Variants in CFAP299 observed in about 807,000 individuals in gnomAD.
CFAP299 encodes cilia and flagella associated protein 299.
A neutral mutation model predicts 27.0 loss-of-function variants in CFAP299; 21 were observed. That is an observed-to-expected ratio of 0.78 (90% CI 0.55 to 1.12). The LOEUF is 1.12. CFAP299 is among the 50% of genes most tolerant of loss of function. CFAP299 has a pLI of 0.00. For synonymous variants in CFAP299, 104 were observed against 98.1 expected, an observed-to-expected ratio of 1.06 and a Z score of -0.36; for missense variants, 310 against 276.6, an observed-to-expected ratio of 1.12 and a Z score of -0.86.
At chr4:80,629,707 T>A (rs943855376) in intron 3 of CFAP299, among the ~76,000 whole-genome samples, 1 of 151,620 alleles carries the variant, frequency 6.6e-6, no homozygotes, top group African/African-American at 2.4e-5. Context: ...TAGTGAAACC[T>A]GGTGTCTACT....
chr4:80,415,379 T>G (rs1272250818), intron 2 of CFAP299, among the ~76,000 whole-genome samples: 1 of 152,208 alleles, frequency 6.6e-6, no homozygotes, highest in Non-Finnish European at 1.5e-5. Flanking sequence ...ACTATTTACA[T>G]AAAATTCATT....
chr4:80,876,817 T>C (rs1733404646), intron 4 of CFAP299, among the ~76,000 whole-genome samples: 1 of 152,168 alleles, frequency 6.6e-6, no homozygotes, highest in Non-Finnish European at 1.5e-5. Flanking sequence ...TCATATTTTT[T>C]TTTGTCAGAA....
chr4:80,337,868 T>TA (rs1412245785), intron 1 of CFAP299, among the ~76,000 whole-genome samples: 2 of 152,200 alleles, frequency 1.3e-5, no homozygotes, highest in Non-Finnish European at 2.9e-5. Flanking sequence ...GACAGGTATA[T>TA]ATATGTTTAC....
At chr4:80,810,726 T>C (rs1729108197) in intron 3 of CFAP299, among the ~76,000 whole-genome samples, 1 of 152,098 alleles carries the variant, frequency 6.6e-6, no homozygotes, top group South Asian at 2.1e-4. Context: ...AACTGTGAGA[T>C]GATAAATTTC....
chr4:80,494,864 AATC>A (rs1384788025), intron 2 of CFAP299, among the ~76,000 whole-genome samples: 1 of 152,234 alleles, frequency 6.6e-6, no homozygotes, highest in East Asian at 1.9e-4. Flanking sequence ...AAAAGGGAGA[AATC>A]AGCCAAAAGA....
At chr4:80,930,915 T>G (rs964456716) in intron 4 of CFAP299, among the ~76,000 whole-genome samples, 5 of 152,286 alleles carry the variant, frequency 3.3e-5, no homozygotes, top group Non-Finnish European at 5.9e-5. Flanking sequence ...AAAGCTATTA[T>G]TCTGTCCTTT....
At chr4:80,687,997 C>T (rs181227415) in intron 3 of CFAP299, among the ~76,000 whole-genome samples, 112 of 152,320 alleles carry the variant, frequency 7.4e-4, no homozygotes, top group African/African-American at 2.5e-3. Flanking sequence ...TAAAAAACGG[C>T]GCACCAGGAG....
chr4:80,698,252 C>T (rs191334285), intron 3 of CFAP299, among the ~76,000 whole-genome samples: 1 of 152,278 alleles, frequency 6.6e-6, no homozygotes, highest in African/African-American at 2.4e-5. Flanking sequence ...GTTCCTGTCC[C>T]ATGGGTAAGT....
intron 3 of CFAP299, among the ~76,000 whole-genome samples, chr4:80,642,933 GT>G (rs1429914806): frequency 1.3e-5 from 2 of 152,014 alleles, no homozygotes; most frequent in African/African-American, 2.4e-5. Flanking sequence ...TGAGAGTGGG[GT>G]GGGGACAGTA....
At chr4:80,608,390 A>G (rs936935098) in intron 3 of CFAP299, 5 of 1,519,340 alleles carry the variant, frequency 3.3e-6, no homozygotes, top group East Asian at 2.5e-5. Context: ...GGCAGTAAGT[A>G]CTGCTTATGG....
chr4:80,736,478 C>A (rs1390172575), intron 3 of CFAP299, among the ~76,000 whole-genome samples: 1 of 151,380 alleles, frequency 6.6e-6, no homozygotes, highest in African/African-American at 2.4e-5. Flanking sequence ...AAAAAAAAAA[C>A]AACCCCATCA....
chr4:80,657,626 T>C (rs1740627822), intron 3 of CFAP299, among the ~76,000 whole-genome samples: 1 of 152,206 alleles, frequency 6.6e-6, no homozygotes, highest in Non-Finnish European at 1.5e-5. Context: ...TTTTGGTTAC[T>C]GTAACCTTGT....
chr4:80,555,810 G>C (rs1260361193), intron 2 of CFAP299, among the ~76,000 whole-genome samples: 1 of 151,730 alleles, frequency 6.6e-6, no homozygotes, highest in Non-Finnish European at 1.5e-5. Flanking sequence ...AGTTTCTGAT[G>C]GTTATTTTTA....
chr4:80,476,621 A>G (rs1470034001), intron 2 of CFAP299, among the ~76,000 whole-genome samples: 5 of 152,152 alleles, frequency 3.3e-5, no homozygotes, highest in African/African-American at 1.2e-4. Flanking sequence ...TAATTTTTAT[A>G]CCAACTCTGG....
At chr4:80,519,380 T>C (rs1732789410) in intron 2 of CFAP299, among the ~76,000 whole-genome samples, 1 of 152,130 alleles carries the variant, frequency 6.6e-6, no homozygotes, top group Non-Finnish European at 1.5e-5. Flanking sequence ...CTAATTTTTA[T>C]GTTATTAGTA....
chr4:80,458,761 A>C (rs1181693722), intron 2 of CFAP299, among the ~76,000 whole-genome samples: 2 of 152,232 alleles, frequency 1.3e-5, no homozygotes, highest in East Asian at 3.9e-4. Flanking sequence ...CAATCCCAGA[A>C]ATAGGCTAAA....
At chr4:80,849,822 T>C (rs554136459) in intron 3 of CFAP299, among the ~76,000 whole-genome samples, 136 of 152,260 alleles carry the variant, frequency 8.9e-4, no homozygotes, top group African/African-American at 3.1e-3. Flanking sequence ...AGGGGGACTA[T>C]TGTTAAAACA....
At chr4:80,423,961 A>T (rs11729082) in intron 2 of CFAP299, among the ~76,000 whole-genome samples, 29,153 of 152,008 alleles carry the variant, frequency 0.19, 2,967 homozygotes, top group South Asian at 0.29. Context: ...GCAGTCACTC[A>T]CCTTTCTGCA....
chr4:80,786,451 G>A (rs908348988), intron 3 of CFAP299, among the ~76,000 whole-genome samples: 12 of 152,086 alleles, frequency 7.9e-5, no homozygotes, highest in East Asian at 1.9e-4. Context: ...AAATTGCTAC[G>A]TACGTGCTTC....
Sources: allele counts gnomAD v4.1 joint callset (sites outside exome capture counted in the v4.1 genomes callset), GRCh38; gene constraint gnomAD v4.1.1; transcripts MANE v1.5; gene names NCBI Gene and HGNC (gene_info 2026-07-23, HGNC 2026-07-21).